The following SP100 variants were observed in gnomAD, a reference collection of about 807,000 sequenced individuals.
The protein encoded by SP100 is SP100 nuclear body protein.
SP100 carries 84 observed loss-of-function variants against 130.0 expected under a neutral mutation model. That is an observed-to-expected ratio of 0.65 (90% CI 0.54 to 0.77). The LOEUF (loss-of-function observed/expected upper bound fraction) is 0.77, where lower values mean the gene tolerates loss of function less well. Among genes scored for constraint, SP100 ranks in the 30% least tolerant of loss-of-function variants. The pLI, the probability that SP100 is intolerant of heterozygous loss-of-function variation, is 0.00. For synonymous variants in SP100, 331 were observed against 351.7 expected, an observed-to-expected ratio of 0.94 and a Z score of 0.66; for missense variants, 978 against 1,052.2, an observed-to-expected ratio of 0.93 and a Z score of 0.97.
intron 24 of SP100, among the ~76,000 whole-genome samples, chr2:230,514,840 C>A (rs1190305288): frequency 6.6e-6 from 1 of 152,138 alleles, no homozygotes; most frequent in African/African-American, 2.4e-5. Context: ...TTCCTCCTTT[C>A]TTGAAGTCCC....
intron 17 of SP100, among the ~76,000 whole-genome samples, chr2:230,481,090 G>A (rs1010872809): frequency 3.9e-5 from 6 of 151,976 alleles, no homozygotes; most frequent in African/African-American, 9.7e-5. Flanking sequence ...TGATGTCTAC[G>A]TATTGGAGTG....
chr2:230,416,214 G>A lies in SP100; in HGVS notation c.-83G>A. 2 of 1,114,440 alleles carry A rather than the reference G, an allele frequency of 1.8e-6. No homozygotes were observed. The highest frequency in any genetic ancestry group is 2.7e-6 in the Non-Finnish European group (2 of 744,292). The allele number at this position is 1,114,440 out of a possible 1,614,324, so 69.0% of individuals were successfully genotyped here. A position where few individuals can be genotyped will look rare whatever the true frequency, so the allele number is the denominator to read the frequency against. On this transcript the variant is annotated 5_prime_UTR_variant, in exon 1 of 29. Transcript: ENST00000340126. ...GGCCGACTTCCTGCTTGGGGCCTGG[G>A]CAGCCACACTGCACGCAGGCTGGGC...
rs555887799 is a variant in SP100 at position 230,417,803 on chromosome 2, C to T, written c.107+138C>T. The T allele has an allele frequency of 2.1e-5, 28 of 1,312,500 alleles. No individual in the cohort carries two copies. In the African/African-American group the frequency reaches 3.1e-4, roughly 15 times the overall value. 81.3% of individuals were successfully genotyped at this position (1,312,500 alleles called of 1,614,324 possible). On this transcript the variant is annotated intron_variant, in intron 2 of 28. Coordinates refer to ENST00000340126, the MANE Select transcript of SP100 (RefSeq NM_001080391.2). Reference sequence around the variant, plus strand: ...TGTTTGTTTTTTGCCAATATGATTCCGTTGAGGTGTTTGTCCTTTTTTTCG... The same window carrying T: ...TGTTTGTTTTTTGCCAATATGATTCTGTTGAGGTGTTTGTCCTTTTTTTCG...
Position 230,461,307 on chromosome 2 carries a change from G to A in SP100, c.866G>A (p.Cys289Tyr). The change falls in exon 9 of 29, where the codon TGT becomes TAT. Residue 289 changes from cysteine (C) to tyrosine (Y), a missense_variant. Coordinates refer to ENST00000340126, the MANE Select transcript of SP100 (RefSeq NM_001080391.2). ...LHNHGIQINSCSVRLVDIKKE... is the reference protein window; with the variant it reads ...LHNHGIQINSYSVRLVDIKKE... ...AACCATGGAATCCAAATTAATTCCT[G>A]TTCTGTGCGACTGGTGGATATAAAA... The A allele has an allele frequency of 6.2e-7, 1 of 1,614,098 alleles. No homozygotes were observed. Among genetic ancestry groups the A allele is most frequent in the African/African-American group, 1.3e-5 (1 of 75,042 alleles).
intron 2 of SP100, among the ~76,000 whole-genome samples, chr2:230,441,859 A>G (rs199780709): frequency 1.3e-5 from 2 of 152,168 alleles, no homozygotes; most frequent in Admixed American, 6.5e-5. Flanking sequence ...GTAGGGCACC[A>G]TGATTCCTAA....
chr2:230,509,547 T>G (rs1690415772), intron 23 of SP100: 1 of 152,266 alleles, frequency 6.6e-6, no homozygotes, highest in African/African-American at 2.4e-5. Context: ...CCATCTCCCA[T>G]CCCTTCATCA....
chr2:230,417,250 A>G (rs557978097), intron 1 of SP100, among the ~76,000 whole-genome samples: 1 of 152,304 alleles, frequency 6.6e-6, no homozygotes, highest in East Asian at 1.9e-4. Flanking sequence ...ATAATAAATT[A>G]TATTACATGT....
At chr2:230,503,164 T>G in intron 20 of SP100, 54 bp downstream of exon 20, 1 of 1,290,242 alleles carries the variant, frequency 7.8e-7, no homozygotes, top group South Asian at 1.3e-5. Context: ...ATATTTAATA[T>G]TCTGTACTGT....
chr2:230,537,712 T>C (rs1018384905), intron 24 of SP100: 44 of 152,380 alleles, frequency 2.9e-4, no homozygotes, highest in African/African-American at 9.4e-4. Flanking sequence ...CGCAACCGCC[T>C]GACAAAGATT....
intron 19 of SP100, among the ~76,000 whole-genome samples, chr2:230,500,902 A>G (rs1273033012): frequency 6.6e-6 from 1 of 152,134 alleles, no homozygotes; most frequent in East Asian, 1.9e-4. Context: ...AGCTTCATCT[A>G]ATTCCTTGAG....
chr2:230,437,991 A>T (rs2063345663), intron 2 of SP100, among the ~76,000 whole-genome samples: 1 of 152,190 alleles, frequency 6.6e-6, no homozygotes, highest in African/African-American at 2.4e-5. Flanking sequence ...TGCCTGTAAA[A>T]CATTTGTCTC....
chr2:230,423,439 C>A (rs1380132918), intron 2 of SP100, among the ~76,000 whole-genome samples: 3 of 151,760 alleles, frequency 2.0e-5, no homozygotes, highest in African/African-American at 7.3e-5. Flanking sequence ...AATGAACCAC[C>A]TTTTGGTTTT....
chr2:230,515,742 A>G (rs1690882337), intron 24 of SP100: 1 of 1,513,592 alleles, frequency 6.6e-7, no homozygotes, highest in Admixed American at 2.3e-5. Context: ...AGACTGTGTA[A>G]GATTTGTTTT....
intron 8 of SP100, among the ~76,000 whole-genome samples, chr2:230,455,631 GATA>G (rs2064238064): frequency 6.6e-6 from 1 of 152,124 alleles, no homozygotes; most frequent in Non-Finnish European, 1.5e-5. Context: ...TATAATTACT[GATA>G]GGTAAGTACT....
chr2:230,503,166 C>A, intron 20 of SP100, 56 bp downstream of exon 20: 1 of 1,284,648 alleles, frequency 7.8e-7, no homozygotes. Context: ...ATTTAATATT[C>A]TGTACTGTGA....
chr2:230,449,083 G>T lies in SP100; in HGVS notation c.524-5G>T. The stretch of plus-strand genomic sequence containing the variant: ...TGAAATAAACTTCTAATTTCTTCCT[G>T]CCAGGAACTGGTGAAAACTCTTTTC... On this transcript the variant is annotated splice_region_variant and splice_polypyrimidine_tract_variant and intron_variant, in intron 5 of 28. Coordinates refer to ENST00000340126, the MANE Select transcript of SP100 (RefSeq NM_001080391.2). 6.4e-7 allele frequency: 1 copy of T among 1,550,976 alleles called. No homozygotes were observed. The highest frequency in any genetic ancestry group is 8.9e-7 in the Non-Finnish European group (1 of 1,122,530).
intron 3 of SP100, among the ~76,000 whole-genome samples, chr2:230,443,333 C>T (rs1033139708): frequency 1.3e-5 from 2 of 152,120 alleles, no homozygotes; most frequent in African/African-American, 4.8e-5. Context: ...TCCATGGTGT[C>T]CTCTGGAGTT....
intron 17 of SP100, among the ~76,000 whole-genome samples, chr2:230,487,218 T>C (rs1264468351): frequency 6.6e-6 from 1 of 152,250 alleles, no homozygotes; most frequent in Non-Finnish European, 1.5e-5. Flanking sequence ...GCAATTGCTT[T>C]TGGCATTTTT....
intron 24 of SP100, among the ~76,000 whole-genome samples, chr2:230,531,560 ATAAAT>A (rs1320217850): frequency 5.9e-5 from 9 of 152,290 alleles, no homozygotes; most frequent in African/African-American, 1.7e-4. Flanking sequence ...AAAAAGAAAA[ATAAAT>A]TAATTAATTT....
Sources: allele counts gnomAD v4.1 joint callset (sites outside exome capture counted in the v4.1 genomes callset), GRCh38; gene constraint gnomAD v4.1.1; transcripts MANE v1.5; gene names NCBI Gene and HGNC (gene_info 2026-07-23, HGNC 2026-07-21).